ESRRG: variants seen among roughly 807,000 people sequenced by gnomAD.
ESRRG encodes estrogen-related receptor gamma.
In ESRRG, 13 loss-of-function variants were observed where a neutral mutation model predicts 44.0. The observed-to-expected ratio is 0.30, with a 90% confidence interval of 0.19 to 0.47. The LOEUF is 0.47. ESRRG is among the 20% of genes least tolerant of loss of function. The pLI is 1.00. For synonymous variants in ESRRG, 215 were observed against 214.6 expected (o/e 1.00, Z -0.02); for missense variants, 395 against 580.6 (o/e 0.68, Z 3.29).
intron 2 of ESRRG, among the ~76,000 whole-genome samples, chr1:216,818,643 C>A (rs960953927): frequency 1.3e-5 from 2 of 151,628 alleles, no homozygotes; most frequent in African/African-American, 4.9e-5. Context: ...GGTACATGTG[C>A]AGGATATGCA....
At chr1:217,085,297 A>G (rs557036544) in intron 1 of ESRRG, among the ~76,000 whole-genome samples, 1 of 152,146 alleles carries the variant, frequency 6.6e-6, no homozygotes, top group East Asian at 1.9e-4. Flanking sequence ...TTGACCTTCT[A>G]TTTCAAAAAG....
intron 3 of ESRRG, among the ~76,000 whole-genome samples, chr1:216,580,857 C>A (rs1171723857): frequency 6.6e-6 from 1 of 152,194 alleles, no homozygotes; most frequent in South Asian, 2.1e-4. Flanking sequence ...AGAGCAGAAG[C>A]CTTTCTGGCA....
At chr1:216,655,627 C>T (rs1353705) in intron 2 of ESRRG, among the ~76,000 whole-genome samples, 31,598 of 152,126 alleles carry the variant, frequency 0.21, 4,213 homozygotes, top group Non-Finnish European at 0.3. Flanking sequence ...TTCTGATAAA[C>T]GGGGTCTCTT....
chr1:217,096,744 T>C (rs1483224394), intron 1 of ESRRG, among the ~76,000 whole-genome samples: 3 of 152,224 alleles, frequency 2.0e-5, no homozygotes, highest in African/African-American at 4.8e-5. Flanking sequence ...ACTGATATCA[T>C]TGTATTTATG....
chr1:216,995,454 G>C (rs570382267), intron 1 of ESRRG, among the ~76,000 whole-genome samples: 1 of 152,308 alleles, frequency 6.6e-6, no homozygotes, highest in African/African-American at 2.4e-5. Context: ...TAGCCAATAA[G>C]ATTTTTAGGA....
At chr1:216,589,628 C>T (rs2057304608) in intron 3 of ESRRG, among the ~76,000 whole-genome samples, 1 of 151,688 alleles carries the variant, frequency 6.6e-6, no homozygotes, top group Non-Finnish European at 1.5e-5. Flanking sequence ...GGAAGAGAAA[C>T]CATTAAGAAG....
At chr1:216,780,636 G>A (rs1332545764) in intron 2 of ESRRG, among the ~76,000 whole-genome samples, 1 of 151,852 alleles carries the variant, frequency 6.6e-6, no homozygotes, top group Non-Finnish European at 1.5e-5. Flanking sequence ...CTGTGCCTTT[G>A]GTTCCAGATG....
At chr1:216,554,465 AC>A (rs1291748173) in intron 5 of ESRRG, among the ~76,000 whole-genome samples, 5 of 148,404 alleles carry the variant, frequency 3.4e-5, no homozygotes, top group African/African-American at 1.0e-4. Context: ...AAAAAAAAAA[AC>A]AAACCAAAGA....
intron 1 of ESRRG, among the ~76,000 whole-genome samples, chr1:217,078,534 G>A (rs1465328498): frequency 6.6e-6 from 1 of 152,168 alleles, no homozygotes; most frequent in East Asian, 1.9e-4. Flanking sequence ...AAGGAATGTG[G>A]AAAGTATCTC....
intron 1 of ESRRG, among the ~76,000 whole-genome samples, chr1:217,133,627 TTCTTTCTC>T (rs1463335652): frequency 0.012 from 468 of 38,756 alleles, 4 homozygotes; most frequent in Middle Eastern, 0.12. Context: ...CTTTCTTTCT[TTCTTTCTC>T]TCTCTCTCTC....
In ESRRG at chr1:216,606,137, C is replaced by T. The variant is rs187652420; in HGVS notation, c.590-38039G>A. On this transcript the variant is annotated intron_variant, in intron 3 of 6. Coordinates refer to ENST00000408911, the MANE Select transcript of ESRRG (RefSeq NM_001438.4). ...GCTAGGTTCCTTCACTGCCCACCCC[C>T]AACCCCAACCACCACACACTTAAAA... Among the ~76,000 whole-genome samples, 170 of 152,290 alleles carry T rather than the reference C, an allele frequency of 1.1e-3. 1 individual carries two copies. Among genetic ancestry groups the T allele is most frequent in the African/African-American group, 3.8e-3 (160 of 41,562 alleles).
intron 2 of ESRRG, among the ~76,000 whole-genome samples, chr1:216,766,974 C>T (rs1016524836): frequency 1.3e-5 from 2 of 152,058 alleles, no homozygotes; most frequent in African/African-American, 4.8e-5. Flanking sequence ...CAAATAAAAC[C>T]TGATGAAGCT....
At chr1:216,797,196 T>C (rs1358187743) in intron 2 of ESRRG, among the ~76,000 whole-genome samples, 2 of 152,154 alleles carry the variant, frequency 1.3e-5, no homozygotes, top group African/African-American at 4.8e-5. Context: ...GGCCTCCTAT[T>C]GTTAACATCT....
intron 1 of ESRRG, among the ~76,000 whole-genome samples, chr1:217,135,998 A>C (rs2093044446): frequency 1.3e-5 from 2 of 152,052 alleles, no homozygotes; most frequent in South Asian, 4.2e-4. Flanking sequence ...GAGAGAGATG[A>C]AATTTAATTT....
chr1:216,712,317 G>A (rs760837074), intron 1 of ESRRG, among the ~76,000 whole-genome samples: 6 of 152,168 alleles, frequency 3.9e-5, no homozygotes, highest in Non-Finnish European at 7.3e-5. Flanking sequence ...TGCCAAGACT[G>A]CACAATAATG....
chr1:216,912,239 A>G (rs1578056515), intron 2 of ESRRG, among the ~76,000 whole-genome samples: 1 of 50,740 alleles, frequency 2.0e-5, no homozygotes, highest in African/African-American at 5.9e-5. Flanking sequence ...AGGAGAGGAG[A>G]GGAGAGGAGA....
chr1:217,044,721 T>G (rs906751542), intron 1 of ESRRG, among the ~76,000 whole-genome samples: 1 of 152,154 alleles, frequency 6.6e-6, no homozygotes, highest in Admixed American at 6.5e-5. Flanking sequence ...TGCAGGAAAA[T>G]GGACTTCCTG....
chr1:216,723,307 C>G lies in ESRRG; in HGVS notation c.-8G>C. ...AAGTTCTACCGAATCCATGTGCGACCGGCAACCATTATTTGTGCACCCCAG... is the reference window on the plus strand; with the variant it reads ...AAGTTCTACCGAATCCATGTGCGACGGGCAACCATTATTTGTGCACCCCAG... On this transcript the variant is annotated 5_prime_UTR_variant, in exon 1 of 7. Coordinates refer to ENST00000408911, the MANE Select transcript of ESRRG (RefSeq NM_001438.4). 6.2e-7 allele frequency: 1 copy of G among 1,613,870 alleles called. No individual in the cohort carries two copies. Among genetic ancestry groups the G allele is most frequent in the Non-Finnish European group, 8.5e-7 (1 of 1,179,872 alleles).
intron 1 of ESRRG, among the ~76,000 whole-genome samples, chr1:217,040,055 G>T (rs755585401): frequency 3.7e-4 from 57 of 152,288 alleles, no homozygotes; most frequent in Non-Finnish European, 6.3e-4. Context: ...GAGAGTGTGT[G>T]TAAGGTGAGG....
Sources: allele counts gnomAD v4.1 joint callset (sites outside exome capture counted in the v4.1 genomes callset), GRCh38; gene constraint gnomAD v4.1.1; transcripts MANE v1.5; gene names NCBI Gene and HGNC (gene_info 2026-07-23, HGNC 2026-07-21).